The following PTPRN2 variants were observed in gnomAD, a reference collection of about 807,000 sequenced individuals.
PTPRN2 encodes the protein receptor-type tyrosine-protein phosphatase N2.
In PTPRN2, 74 loss-of-function variants were observed where a neutral mutation model predicts 118.8. The observed-to-expected ratio is 0.62, with a 90% CI of 0.52 to 0.76. PTPRN2 has a LOEUF of 0.76. Ranked by LOEUF, PTPRN2 falls within the 30% of genes least tolerant of loss-of-function variation. The pLI is 0.00. For missense variants in PTPRN2, 1,481 were observed against 1,394.4 expected, an observed-to-expected ratio of 1.06 and a Z score of -0.99; for synonymous variants, 641 against 608.0, an observed-to-expected ratio of 1.05 and a Z score of -0.80.
intron 5 of PTPRN2, among the ~76,000 whole-genome samples, chr7:158,173,071 C>T (rs920809408): frequency 1.3e-5 from 2 of 151,210 alleles, no homozygotes; most frequent in African/African-American, 2.4e-5. Context: ...ACAGCATCTC[C>T]ACTATCTCCA....
Position 157,676,288 on chromosome 7 carries a change from C to A in PTPRN2, c.2001+6437G>T, listed in dbSNP as rs1796663902. On this transcript the variant is annotated intron_variant, in intron 13 of 22. Transcript: ENST00000389418. The surrounding 1 kb of genome is among the most constrained non-coding windows in gnomAD (Gnocchi z 5.6). ...CTGCAGATGGCTCCAGCACCTGCCC[C>A]AGCCACGCCTCCATCTCCCGCCAGC... Among the ~76,000 whole-genome samples the A allele has an allele frequency of 6.6e-6, 1 of 152,164 alleles. No individual in the cohort carries two copies. The highest frequency in any genetic ancestry group is 2.4e-5 in the African/African-American group (1 of 41,428).
chr7:158,057,767 C>T (rs559257207), intron 11 of PTPRN2, among the ~76,000 whole-genome samples: 1 of 152,288 alleles, frequency 6.6e-6, no homozygotes, highest in African/African-American at 2.4e-5. Context: ...TGCTTGGGAC[C>T]CCTCATCTGC....
intron 17 of PTPRN2, among the ~76,000 whole-genome samples, chr7:157,579,663 G>A (rs1021759536): frequency 2.6e-5 from 4 of 152,226 alleles, no homozygotes; most frequent in African/African-American, 7.2e-5. Flanking sequence ...TCTCGCGTCC[G>A]CCCTTCATTA....
intron 11 of PTPRN2, among the ~76,000 whole-genome samples, chr7:158,055,487 C>T (rs145686031): frequency 0.08 from 12,250 of 152,246 alleles, 647 homozygotes; most frequent in Non-Finnish European, 0.13. Flanking sequence ...CAGGCCCACC[C>T]GCAGTTATCC....
chr7:158,379,581 T>C (rs900040014), intron 2 of PTPRN2, among the ~76,000 whole-genome samples: 1 of 151,462 alleles, frequency 6.6e-6, no homozygotes, highest in Non-Finnish European at 1.5e-5. Context: ...GGAGCAGGGT[T>C]CCTAAGAAAT....
Position 157,992,970 on chromosome 7 carries a change from G to C in PTPRN2, c.1723+88328C>G, listed in dbSNP as rs184252835. Among the ~76,000 whole-genome samples the C allele has an allele frequency of 9.6e-4, 147 of 152,346 alleles. 1 individual carries two copies. The Middle Eastern group carries it at 0.017, about 18-fold the overall frequency. On this transcript the variant is annotated intron_variant, in intron 11 of 22. Coordinates refer to ENST00000389418, the MANE Select transcript of PTPRN2 (RefSeq NM_002847.5). The stretch of plus-strand genomic sequence containing the variant: ...CACTCCCAGTGGGGAGCTGTGGTTT[G>C]GGCGCCTGAGCCTGGAGCCCCCGTC...
intron 2 of PTPRN2, among the ~76,000 whole-genome samples, chr7:158,415,046 T>TGATGATACAACCAGCTACTTTC (rs1814538942): frequency 5.2e-5 from 1 of 19,270 alleles, no homozygotes; most frequent in African/African-American, 1.9e-4. Flanking sequence ...CAGCTACTTC[T>TGATGATACAACCAGCTACTTTC]CTGATGATAC....
At chr7:157,557,111 C>T (rs1332060974) in intron 21 of PTPRN2, among the ~76,000 whole-genome samples, 1 of 151,116 alleles carries the variant, frequency 6.6e-6, no homozygotes, top group Non-Finnish European at 1.5e-5. Flanking sequence ...CAGGCATGCA[C>T]ATGCTCACAC....
At chr7:157,730,846 C>T (rs1026784508) in intron 12 of PTPRN2, among the ~76,000 whole-genome samples, 11 of 152,286 alleles carry the variant, frequency 7.2e-5, no homozygotes, top group South Asian at 2.1e-4. Flanking sequence ...GCTCTGACCT[C>T]GGCGTGGCTC....
At chr7:158,145,805 C>T (rs1298603408) in intron 6 of PTPRN2, among the ~76,000 whole-genome samples, 1 of 152,200 alleles carries the variant, frequency 6.6e-6, no homozygotes, top group Non-Finnish European at 1.5e-5. Flanking sequence ...ATCATCCATC[C>T]TTGTGCTGCC....
At chr7:158,514,322 G>T (rs1334971848) in intron 1 of PTPRN2, among the ~76,000 whole-genome samples, 1 of 152,200 alleles carries the variant, frequency 6.6e-6, no homozygotes, top group Non-Finnish European at 1.5e-5. Flanking sequence ...GCTGGAGAGA[G>T]GGAGTGACGG....
chr7:157,667,855 G>A (rs1796220237), intron 13 of PTPRN2, among the ~76,000 whole-genome samples: 1 of 152,250 alleles, frequency 6.6e-6, no homozygotes, highest in Admixed American at 6.5e-5. Context: ...GCAGCTCGGT[G>A]CTGCCTCCAA....
intron 14 of PTPRN2, among the ~76,000 whole-genome samples, chr7:157,656,097 C>G: frequency 2.6e-5 from 1 of 38,918 alleles, no homozygotes; most frequent in Non-Finnish European, 7.5e-5. Flanking sequence ...CTCACTCTTA[C>G]ACACCAGGGA....
At chr7:157,758,852 G>C (rs1018277305) in intron 12 of PTPRN2, among the ~76,000 whole-genome samples, 1 of 152,174 alleles carries the variant, frequency 6.6e-6, no homozygotes, top group Admixed American at 6.5e-5. Flanking sequence ...CTCCCGGATG[G>C]AGCCCTGCCT....
intron 2 of PTPRN2, among the ~76,000 whole-genome samples, chr7:158,356,916 A>ATT (rs1808429678): frequency 1.3e-5 from 2 of 152,192 alleles, no homozygotes; most frequent in African/African-American, 4.8e-5. Flanking sequence ...ATCATCATCG[A>ATT]AACTGTGGCT....
rs943963376 is a variant in PTPRN2, at chr7:158,546,667, G to C, written c.112+40891C>G. 6.6e-6 allele frequency among the ~76,000 whole-genome samples: 1 copy of C among 152,192 alleles called. No individual in the cohort carries two copies. The highest frequency in any genetic ancestry group is 6.5e-5 in the Admixed American group (1 of 15,286). ...CGAGTAGCAGGTGGGTGACTACAGA[G>C]GTGCTCTGAGGGTCTTAGGCAGAGC... On this transcript the variant is annotated intron_variant, in intron 1 of 22. Transcript: ENST00000389418. The surrounding 1 kb of genome is among the most constrained non-coding windows in gnomAD (Gnocchi z 5.0).
At chr7:158,189,253 C>T (rs778577525) in intron 5 of PTPRN2, among the ~76,000 whole-genome samples, 3 of 152,236 alleles carry the variant, frequency 2.0e-5, no homozygotes, top group African/African-American at 4.8e-5. Context: ...CATTTACCCT[C>T]GAGGCGAATC....
intron 5 of PTPRN2, among the ~76,000 whole-genome samples, chr7:158,176,216 G>A (rs556564233): frequency 6.6e-5 from 10 of 152,286 alleles, no homozygotes; most frequent in East Asian, 1.9e-4. Context: ...TCCATGTCCC[G>A]TCCACCTTGG....
intron 21 of PTPRN2, among the ~76,000 whole-genome samples, chr7:157,564,051 A>G (rs1474041626): frequency 6.6e-6 from 1 of 152,264 alleles, no homozygotes; most frequent in Admixed American, 6.5e-5. Context: ...TATAGGAGGA[A>G]ATCTAAGAAC....
Sources: allele counts gnomAD v4.1 joint callset (sites outside exome capture counted in the v4.1 genomes callset), GRCh38; gene constraint gnomAD v4.1.1; non-coding constraint Gnocchi (gnomAD v3.1); transcripts MANE v1.5; gene names NCBI Gene and HGNC (gene_info 2026-07-23, HGNC 2026-07-21).